ATG4C: variants seen among roughly 807,000 people sequenced by gnomAD.
The protein encoded by ATG4C is cysteine protease ATG4C.
Under a neutral mutation model 57.6 loss-of-function variants are expected in ATG4C, and 56 were observed. The observed-to-expected ratio is 0.97, with a 90% CI of 0.78 to 1.21. The LOEUF (loss-of-function observed/expected upper bound fraction) is 1.21, where lower values mean the gene tolerates loss of function less well. Ranked by LOEUF, ATG4C falls within the 50% of genes most tolerant of loss-of-function variation. The pLI, the probability that ATG4C is intolerant of heterozygous loss-of-function variation, is 0.00. For synonymous variants in ATG4C, 157 were observed against 174.1 expected, an observed-to-expected ratio of 0.90 and a Z score of 0.78; for missense variants, 595 against 529.8, an observed-to-expected ratio of 1.12 and a Z score of -1.21.
At position 62,864,389 on chromosome 1, in the gene ATG4C, C is replaced by T; in HGVS notation, c.*230C>T. 2.7e-6 allele frequency: 1 copy of T among 364,226 alleles called. No individual in the cohort carries two copies. Among genetic ancestry groups the T allele is most frequent in the South Asian group, 2.7e-5 (1 of 36,386 alleles). The allele number at this position is 364,226 out of a possible 1,614,324, so 22.6% of individuals were successfully genotyped here. ...AGTGATTCTGGTTGCATTCCTATTT[C>T]CCTAAGATCTACTAGTGATAATTCT... On this transcript the variant is annotated 3_prime_UTR_variant, in exon 11 of 11. Transcript: ENST00000317868.
chr1:62,796,988 A>G (rs780381865), intron 1 of ATG4C, among the ~76,000 whole-genome samples: 2 of 152,066 alleles, frequency 1.3e-5, no homozygotes, highest in Non-Finnish European at 2.9e-5. Context: ...CATGCCTGAA[A>G]TCCCAGCTAC....
chr1:62,863,158 G>A (rs756613659), intron 10 of ATG4C, among the ~76,000 whole-genome samples: 11 of 151,748 alleles, frequency 7.2e-5, no homozygotes, highest in Non-Finnish European at 1.2e-4. Context: ...TCAAATTGAT[G>A]GGCTATAAAG....
intron 9 of ATG4C, among the ~76,000 whole-genome samples, chr1:62,839,979 C>T (rs1458095949): frequency 6.6e-6 from 1 of 152,064 alleles, no homozygotes; most frequent in African/African-American, 2.4e-5. Flanking sequence ...AATTGGGTCA[C>T]TAGGATGTAC....
intron 1 of ATG4C, among the ~76,000 whole-genome samples, chr1:62,784,925 G>C (rs527584964): frequency 2.0e-4 from 30 of 152,100 alleles, no homozygotes; most frequent in Non-Finnish European, 3.7e-4. Context: ...AACCTTCAGC[G>C]GTCAACTCAG....
At chr1:62,858,563 T>C (rs1053488989) in intron 10 of ATG4C, among the ~76,000 whole-genome samples, 3 of 152,034 alleles carry the variant, frequency 2.0e-5, no homozygotes, top group African/African-American at 7.2e-5. Context: ...TTTATCTGCA[T>C]TTTGGGATGT....
intron 1 of ATG4C, among the ~76,000 whole-genome samples, chr1:62,792,090 G>A (rs548840344): frequency 5.9e-5 from 9 of 151,990 alleles, no homozygotes; most frequent in Admixed American, 1.3e-4. Flanking sequence ...CTCTGCCTCC[G>A]GGGTTCAAGC....
intron 3 of ATG4C, among the ~76,000 whole-genome samples, chr1:62,812,517 C>T (rs1025954291): frequency 6.6e-6 from 1 of 152,068 alleles, no homozygotes; most frequent in African/African-American, 2.4e-5. Flanking sequence ...TTTGCCCATA[C>T]TGAATGGGCA....
At chr1:62,805,355 C>A in intron 3 of ATG4C, 100 bp downstream of exon 3, 1 of 1,329,442 alleles carries the variant, frequency 7.5e-7, no homozygotes, top group Non-Finnish European at 9.7e-7. Context: ...TGCAGTATTT[C>A]TTTTAAGTAT....
intron 10 of ATG4C, among the ~76,000 whole-genome samples, chr1:62,844,881 A>T (rs553009511): frequency 6.6e-6 from 1 of 152,160 alleles, no homozygotes; most frequent in South Asian, 2.1e-4. Flanking sequence ...TGAGTTAGAG[A>T]TTATCTATGT....
In ATG4C at chr1:62,816,603, G is replaced by GTTGTATGTACAATAGA; in HGVS notation, c.189_190insTTGTATGTACAATAGA (p.Gly64LeufsTer5). On this transcript the variant is annotated stop_gained and frameshift_variant, in exon 4 of 11. Coordinates refer to ENST00000317868, the MANE Select transcript of ATG4C (RefSeq NM_032852.4). LOFTEE classifies it high-confidence loss of function. Reference sequence around the variant, plus strand: ...AAGATAAAACGTTACCTGCAGAGTCGGGATGTACAATAGAGGATCACGTAA... The same window carrying GTTGTATGTACAATAGA: ...AAGATAAAACGTTACCTGCAGAGTCGTTGTATGTACAATAGAGGATGTACAATAGAGGATCACGTAA... 1 of 1,612,438 alleles carries GTTGTATGTACAATAGA rather than the reference G, an allele frequency of 6.2e-7. No homozygotes were observed. Among genetic ancestry groups the GTTGTATGTACAATAGA allele is most frequent in the Non-Finnish European group, 8.5e-7 (1 of 1,179,194 alleles).
At chr1:62,859,562 C>A (rs1377270477) in intron 10 of ATG4C, among the ~76,000 whole-genome samples, 1 of 152,144 alleles carries the variant, frequency 6.6e-6, no homozygotes, top group African/African-American at 2.4e-5. Context: ...ATTAGTGAGT[C>A]TGTGGTGAGT....
At chr1:62,789,757 G>T (rs537438057) in intron 1 of ATG4C, among the ~76,000 whole-genome samples, 16 of 152,034 alleles carry the variant, frequency 1.1e-4, no homozygotes, top group Admixed American at 1.0e-3. Context: ...GCGGAGCTTG[G>T]AGTGATCCGA....
intron 9 of ATG4C, among the ~76,000 whole-genome samples, chr1:62,838,573 T>C (rs1195287742): frequency 2.0e-5 from 3 of 151,812 alleles, no homozygotes; most frequent in African/African-American, 7.3e-5. Flanking sequence ...AGGTCAGGAG[T>C]TTGAGACCAG....
chr1:62,822,881 A>G (rs1489496542), intron 6 of ATG4C, among the ~76,000 whole-genome samples: 1 of 152,236 alleles, frequency 6.6e-6, no homozygotes. Flanking sequence ...AGAGCCAAGC[A>G]CAGTGGCTCA....
At chr1:62,812,523 G>C (rs1303941403) in intron 3 of ATG4C, among the ~76,000 whole-genome samples, 1 of 152,114 alleles carries the variant, frequency 6.6e-6, no homozygotes, top group African/African-American at 2.4e-5. Context: ...CATACTGAAT[G>C]GGCAAAAGCT....
intron 6 of ATG4C, among the ~76,000 whole-genome samples, chr1:62,825,630 C>T (rs1471091973): frequency 1.3e-5 from 2 of 152,254 alleles, no homozygotes; most frequent in Non-Finnish European, 2.9e-5. Flanking sequence ...ATGTTGGTAA[C>T]TCCCAAATTG....
chr1:62,809,737 A>G (rs909809756), intron 3 of ATG4C, among the ~76,000 whole-genome samples: 6 of 151,554 alleles, frequency 4.0e-5, no homozygotes, highest in Non-Finnish European at 8.8e-5. Context: ...AATATGAAAA[A>G]CTTGAACAAC....
chr1:62,796,426 C>T (rs1218735398), intron 1 of ATG4C, among the ~76,000 whole-genome samples: 1 of 151,952 alleles, frequency 6.6e-6, no homozygotes, highest in African/African-American at 2.4e-5. Flanking sequence ...CTTTATTTAG[C>T]TAGAGTTGCC....
At chr1:62,823,274 A>T (rs1336134732) in intron 6 of ATG4C, among the ~76,000 whole-genome samples, 4 of 152,210 alleles carry the variant, frequency 2.6e-5, no homozygotes, top group African/African-American at 4.8e-5. Context: ...TTAAAAGTAC[A>T]CTTACTGTTT....
Sources: allele counts gnomAD v4.1 joint callset (sites outside exome capture counted in the v4.1 genomes callset), GRCh38; gene constraint gnomAD v4.1.1; transcripts MANE v1.5; gene names NCBI Gene and HGNC (gene_info 2026-07-23, HGNC 2026-07-21).